The following SATB2 variants were observed in gnomAD, a reference collection of about 807,000 sequenced individuals.
SATB2 encodes the protein SATB homeobox 2.
In SATB2, 1 loss-of-function variant was observed where a neutral mutation model predicts 73.4. The ratio of observed to expected loss-of-function variants is 0.01; its 90% CI spans 0.00 to 0.06. SATB2 has a LOEUF of 0.06. Among genes scored for constraint, SATB2 ranks in the 10% least tolerant of loss-of-function variants. The pLI is 1.00. For synonymous variants in SATB2, 397 were observed against 367.0 expected, an observed-to-expected ratio of 1.08 and a Z score of -0.93; for missense variants, 459 against 945.8, an observed-to-expected ratio of 0.49 and a Z score of 6.75.
chr2:199,381,113 G>C (rs1689759415), intron 4 of SATB2, among the ~76,000 whole-genome samples: 1 of 152,202 alleles, frequency 6.6e-6, no homozygotes, highest in African/African-American at 2.4e-5. Context: ...CAGTTCTTTA[G>C]AGAGATATCT....
chr2:199,311,286 T>C (rs1218721866), intron 9 of SATB2, among the ~76,000 whole-genome samples: 1 of 152,096 alleles, frequency 6.6e-6, no homozygotes, highest in Non-Finnish European at 1.5e-5. Context: ...TTCATGGTAT[T>C]TAGAGGGTTA....
chr2:199,378,404 C>T (rs878952480), intron 5 of SATB2, among the ~76,000 whole-genome samples: 2 of 152,208 alleles, frequency 1.3e-5, no homozygotes, highest in Non-Finnish European at 2.9e-5. Flanking sequence ...CTTTTCCTAA[C>T]TTGTTCTTTG....
chr2:199,400,062 G>A (rs927831753), intron 3 of SATB2, among the ~76,000 whole-genome samples: 1 of 152,140 alleles, frequency 6.6e-6, no homozygotes, highest in African/African-American at 2.4e-5. Flanking sequence ...CTTATCCTCT[G>A]GAGAATGCTG....
chr2:199,320,726 C>G (rs1687861465), intron 9 of SATB2, among the ~76,000 whole-genome samples: 1 of 152,142 alleles, frequency 6.6e-6, no homozygotes, highest in Admixed American at 6.5e-5. Context: ...TACTTAAACA[C>G]TTACAGCCCT....
chr2:199,378,315 A>C (rs778394547), intron 5 of SATB2, among the ~76,000 whole-genome samples: 8 of 152,230 alleles, frequency 5.3e-5, no homozygotes, highest in Non-Finnish European at 8.8e-5. Flanking sequence ...TTCCACACAA[A>C]GCCCATTTCG....
At chr2:199,459,496 C>T (rs948380050), upstream of SATB2, 5 of 152,248 alleles carry the variant, frequency 3.3e-5, no homozygotes, top group African/African-American at 1.2e-4. This position sits in a 1 kb window ranked among gnomAD's most constrained non-coding sequence, Gnocchi z 4.2. Context: ...GCGAGATACC[C>T]GGGGCGTCGG....
chr2:199,307,786 G>A lies in SATB2; in HGVS notation c.1740+974C>T, dbSNP rs544948575. 8.5e-5 allele frequency among the ~76,000 whole-genome samples: 13 copies of A among 152,176 alleles called. No homozygotes were observed. The East Asian group carries it at 2.3e-3, about 27-fold the overall frequency. ...AAAGGAGACAGAAACCTCAGGTTGGGGTGTTTCACTGCATCCCTCACCACT... is the reference window on the plus strand; with the variant it reads ...AAAGGAGACAGAAACCTCAGGTTGGAGTGTTTCACTGCATCCCTCACCACT... On this transcript the variant is annotated intron_variant, in intron 10 of 10. Transcript: ENST00000417098.
At chr2:199,332,174 A>G (rs1430601415) in intron 7 of SATB2, among the ~76,000 whole-genome samples, 1 of 152,184 alleles carries the variant, frequency 6.6e-6, no homozygotes, top group Non-Finnish European at 1.5e-5. Context: ...GCAAGTATTG[A>G]GTAAAGTGAT....
chr2:199,391,242 G>A (rs914276829), intron 3 of SATB2, among the ~76,000 whole-genome samples: 2 of 151,886 alleles, frequency 1.3e-5, no homozygotes, highest in African/African-American at 2.4e-5. Context: ...GACAGAGATC[G>A]AGAACACGCT....
intron 9 of SATB2, among the ~76,000 whole-genome samples, chr2:199,309,839 T>C (rs141319785): frequency 1.3e-5 from 2 of 152,280 alleles, no homozygotes; most frequent in African/African-American, 4.8e-5. Flanking sequence ...AGTAAAAAAA[T>C]GTTCTTAAGA....
Position 199,457,266 on chromosome 2 carries a change from A to T in SATB2, c.-60+73T>A, listed in dbSNP as rs1006703534. On this transcript the variant is annotated intron_variant, in intron 1 of 10. Coordinates refer to ENST00000417098, the MANE Select transcript of SATB2 (RefSeq NM_001172509.2). The surrounding 1 kb of genome is among the most constrained non-coding windows in gnomAD (Gnocchi z 4.8). ...GTCCGAGAGGCCGAGAGCGGCGGGGAGGGGACTTCGTTGGCCCTGGGCTTC... is the reference window on the plus strand; with the variant it reads ...GTCCGAGAGGCCGAGAGCGGCGGGGTGGGGACTTCGTTGGCCCTGGGCTTC... 2 of 151,914 alleles carry T rather than the reference A, an allele frequency of 1.3e-5. No homozygotes were observed. Among genetic ancestry groups the T allele is most frequent in the Non-Finnish European group, 2.9e-5 (2 of 67,968 alleles). 9.4% of individuals were successfully genotyped at this position (151,914 alleles called of 1,614,324 possible). A position where few individuals can be genotyped will look rare whatever the true frequency, so the allele number is the denominator to read the frequency against.
At chr2:199,459,695 A>C (rs911625171), upstream of SATB2, 1 of 152,758 alleles carries the variant, frequency 6.5e-6, no homozygotes, top group African/African-American at 2.4e-5. This position sits in a 1 kb window ranked among gnomAD's most constrained non-coding sequence, Gnocchi z 4.2. Flanking sequence ...GATCCCCCTT[A>C]AGAAGCGTTG....
At chr2:199,441,648 G>A (rs1691819272) in intron 2 of SATB2, among the ~76,000 whole-genome samples, 1 of 152,104 alleles carries the variant, frequency 6.6e-6, no homozygotes, top group African/African-American at 2.4e-5. Context: ...GCTAGTCCTC[G>A]CTCACTGACC....
At chr2:199,394,824 A>G (rs945059974) in intron 3 of SATB2, among the ~76,000 whole-genome samples, 3 of 152,138 alleles carry the variant, frequency 2.0e-5, no homozygotes, top group East Asian at 3.9e-4. Context: ...CATCCTTAAA[A>G]TAACTTAAGT....
chr2:199,349,333 G>A (rs1443140128), intron 6 of SATB2, among the ~76,000 whole-genome samples, 160 bp from the exon 7 acceptor site: 1 of 152,044 alleles, frequency 6.6e-6, no homozygotes, highest in African/African-American at 2.4e-5. Flanking sequence ...ATTCTTTTCT[G>A]CTAAATGTTA....
At chr2:199,320,569 T>C (rs1687857518) in intron 9 of SATB2, among the ~76,000 whole-genome samples, 2 of 152,090 alleles carry the variant, frequency 1.3e-5, no homozygotes, top group Admixed American at 1.3e-4. Context: ...GGAGGTGGTC[T>C]GGGACCCTAC....
At chr2:199,468,020 C>T (rs1320167982), upstream of SATB2, 1 of 152,168 alleles carries the variant, frequency 6.6e-6, no homozygotes, top group African/African-American at 2.4e-5. Context: ...CCTCCACGCC[C>T]CACTCTTTTT....
At chr2:199,415,336 CAATT>C (rs1326081277) in intron 3 of SATB2, among the ~76,000 whole-genome samples, 2 of 152,134 alleles carry the variant, frequency 1.3e-5, no homozygotes, top group Non-Finnish European at 2.9e-5. Context: ...CTGTTGTACA[CAATT>C]AATTGAAATG....
chr2:199,346,438 G>A (rs747810266), intron 7 of SATB2, among the ~76,000 whole-genome samples: 6 of 151,992 alleles, frequency 3.9e-5, no homozygotes, highest in African/African-American at 7.2e-5. Context: ...GTGAGCCACC[G>A]CACCCAGCAC....
Sources: gnomAD v4.1 joint callset for allele counts (sites outside exome capture counted in the v4.1 genomes callset) on GRCh38, gnomAD v4.1.1 for gene constraint, Gnocchi (gnomAD v3.1) non-coding constraint, MANE v1.5 for transcripts, NCBI Gene and HGNC (gene_info 2026-07-23, HGNC 2026-07-21) for gene names.